The following PLEKHN1 variants were observed in gnomAD, a reference collection of about 807,000 sequenced individuals.
PLEKHN1 encodes pleckstrin homology domain-containing family N member 1.
Under a neutral mutation model 72.8 loss-of-function variants are expected in PLEKHN1, and 68 were observed. The observed-to-expected ratio is 0.93, with a 90% confidence interval of 0.77 to 1.14. The LOEUF (loss-of-function observed/expected upper bound fraction) is 1.14, where lower values mean the gene tolerates loss of function less well. Among genes scored for constraint, PLEKHN1 ranks in the 50% most tolerant of loss-of-function variants. PLEKHN1 has a pLI of 0.00. For missense variants in PLEKHN1, 1,015 were observed against 840.5 expected, an observed-to-expected ratio of 1.21 and a Z score of -2.57; for synonymous variants, 454 against 371.6, an observed-to-expected ratio of 1.22 and a Z score of -2.55.
At chr1:972,626 G>A (rs576224828) in intron 10 of PLEKHN1, among the ~76,000 whole-genome samples, 1 of 152,258 alleles carries the variant, frequency 6.6e-6, no homozygotes, top group South Asian at 2.1e-4. Flanking sequence ...AAATTAGCCG[G>A]GCATGGCGGT....
chr1:970,648 A>G lies in PLEKHN1; in HGVS notation c.412-38A>G. The G allele has an allele frequency of 6.2e-7, 1 of 1,602,626 alleles. No homozygotes were observed. The highest frequency in any genetic ancestry group is 1.1e-5 in the South Asian group (1 of 89,586). On this transcript the variant is annotated intron_variant, in intron 4 of 15. Transcript: ENST00000379410. This position sits in a 1 kb window ranked among gnomAD's most constrained non-coding sequence, Gnocchi z 4.2. ...TGGGGCCATGGCCGCCCTTCCCTCC[A>G]TGGATCCCTGAAGCTCCTCCTACCC...
At chr1:974,162 G>A in intron 14 of PLEKHN1, 111 bp downstream of exon 14, 5 of 1,477,248 alleles carry the variant, frequency 3.4e-6, no homozygotes, top group South Asian at 2.4e-5. Context: ...GAGGACGGGG[G>A]CAGATGGAGG....
At chr1:971,996 G>C (rs548544419) in intron 8 of PLEKHN1, 79 bp from the exon 9 acceptor site, 4 of 1,374,078 alleles carry the variant, frequency 2.9e-6, no homozygotes, top group Non-Finnish European at 4.1e-6. Flanking sequence ...AGCTCTGGAG[G>C]GCAAGAGGGT....
intron 2 of PLEKHN1, among the ~76,000 whole-genome samples, chr1:969,042 G>A (rs776184610): frequency 6.6e-6 from 1 of 152,224 alleles, no homozygotes; most frequent in African/African-American, 2.4e-5. Flanking sequence ...CACTGACACC[G>A]AGGAGATTGG....
At chr1:973,390 G>A (rs1300238569) in intron 12 of PLEKHN1, 64 bp downstream of exon 12, 1 of 1,559,982 alleles carries the variant, frequency 6.4e-7, no homozygotes. Flanking sequence ...ACTGGTCTCT[G>A]TCTCTGGGCC....
rs1254874341 is a variant in PLEKHN1 at position 973,327 on chromosome 1, G to A, written c.1293+1G>A. 1.3e-6 allele frequency: 2 copies of A among 1,548,632 alleles called. No individual in the cohort carries two copies. Among genetic ancestry groups the A allele is most frequent in the African/African-American group, 2.7e-5 (2 of 73,474 alleles). The stretch of plus-strand genomic sequence containing the variant: ...CCCACTGCACCTGGACCTGACCCAG[G>A]TGGGCCCAGCACACCCACACAGCCC... On this transcript the variant is annotated splice_donor_variant, in intron 12 of 15. Transcript: ENST00000379410. LOFTEE classifies it high-confidence loss of function.
chr1:973,861 G>A lies in PLEKHN1; in HGVS notation c.1463G>A (p.Gly488Glu). 1 of 1,610,454 alleles carries A rather than the reference G, an allele frequency of 6.2e-7. No homozygotes were observed. Among genetic ancestry groups the A allele is most frequent in the Non-Finnish European group, 8.5e-7 (1 of 1,179,868 alleles). The change falls in exon 14 of 16, where the codon GGA (glycine) becomes GAA (glutamate). Residue 488 changes from glycine (G) to glutamate (E), a missense_variant. Physicochemically the swap from Gly to Glu is moderately conservative, Grantham distance 98. Transcript: ENST00000379410. The part of the protein sequence containing the change: ...EFLSAMQSAR[G>E]PTPSSPLPSV... ...CTCAGTGCCATGCAGAGTGCACGTGGACCCACGCCCTCGAGCCCACTCCCC... is the reference window on the plus strand; with the variant it reads ...CTCAGTGCCATGCAGAGTGCACGTGAACCCACGCCCTCGAGCCCACTCCCC...
intron 2 of PLEKHN1, among the ~76,000 whole-genome samples, chr1:969,893 G>A (rs548981007): frequency 1.3e-5 from 2 of 152,344 alleles, no homozygotes; most frequent in Admixed American, 1.3e-4. Flanking sequence ...ATGCATGTAT[G>A]CATATATGTA....
At chr1:968,645 G>A (rs1054044776) in intron 2 of PLEKHN1, among the ~76,000 whole-genome samples, 2 of 152,250 alleles carry the variant, frequency 1.3e-5, no homozygotes, top group African/African-American at 4.8e-5. Context: ...AGTGAGCGGG[G>A]TCAGGTCGGT....
intron 8 of PLEKHN1, 40 bp downstream of exon 8, chr1:971,444 G>A (rs1469359333): frequency 1.3e-6 from 2 of 1,525,464 alleles, no homozygotes; most frequent in East Asian, 2.4e-5. Context: ...CAGGGAGGCA[G>A]CTGTGTGGGG....
chr1:967,345 G>A (rs574838503), intron 2 of PLEKHN1, among the ~76,000 whole-genome samples: 18 of 150,914 alleles, frequency 1.2e-4, no homozygotes, highest in South Asian at 2.1e-4. Context: ...CCACCTCTCC[G>A]TCAAAGGAGC....
intron 13 of PLEKHN1, 56 bp downstream of exon 13, chr1:973,696 G>A: frequency 2.5e-6 from 4 of 1,597,208 alleles, no homozygotes; most frequent in Non-Finnish European, 2.6e-6. Context: ...CCTGAGGCTG[G>A]GGAGGTCTAG....
Position 971,194 on chromosome 1 carries a change from C to CA in PLEKHN1, c.695dup (p.His232GlnfsTer57). The stretch of plus-strand genomic sequence containing the variant: ...CTGTGCCTCGAGGGTCAAGCTGCAG[C>CA]ACCTGCCCGCACAGGTGGGTGGGAG... On this transcript the variant is annotated frameshift_variant, in exon 7 of 16. Transcript: ENST00000379410. LOFTEE classifies it high-confidence loss of function. The CA allele has an allele frequency of 1.3e-6, 2 of 1,581,058 alleles. No individual in the cohort carries two copies. The highest frequency in any genetic ancestry group is 8.6e-7 in the Non-Finnish European group (1 of 1,164,002).
At chr1:967,048 C>T (rs966616255) in intron 2 of PLEKHN1, among the ~76,000 whole-genome samples, 9 of 152,174 alleles carry the variant, frequency 5.9e-5, no homozygotes, top group East Asian at 1.9e-4. Context: ...GGGCCGCGGG[C>T]GGGGCCTCCC....
Position 966,701 on chromosome 1 carries a change from CAG to C in PLEKHN1, c.86_87del, listed in dbSNP as rs751566630. 16 of 1,577,688 alleles carry C rather than the reference CAG, an allele frequency of 1.0e-5. No individual in the cohort carries two copies. Among genetic ancestry groups the C allele is most frequent in the Admixed American group, 5.4e-5 (3 of 55,086 alleles). ...GCCACGAGACCCCTTGCCTTGTCCCCAGAGAGGACAGCGCGCGGATGTCGGCC... is the reference window on the plus strand; with the variant it reads ...GCCACGAGACCCCTTGCCTTGTCCCCAGAGGACAGCGCGCGGATGTCGGCC... On this transcript the variant is annotated splice_acceptor_variant, in intron 1 of 15. Coordinates refer to ENST00000379410, the MANE Select transcript of PLEKHN1 (RefSeq NM_032129.3). LOFTEE classifies it high-confidence loss of function.
Position 973,303 on chromosome 1 carries a change from C to T in PLEKHN1, c.1270C>T (p.Pro424Ser), listed in dbSNP as rs889432324. ...GGCAGAGGGCCGCGGCCCTGTCACC[C>T]CACTGCACCTGGACCTGACCCAGGT... Reference protein sequence around the residue: ...ARAEGRGPVTPLHLDLTQLHR... With the variant: ...ARAEGRGPVTSLHLDLTQLHR... Residue 424 changes from proline to serine, a missense_variant, in exon 12 of 16, where the codon CCA becomes TCA. Physicochemically the swap from Pro to Ser is moderately conservative, Grantham distance 74. Coordinates refer to ENST00000379410, the MANE Select transcript of PLEKHN1 (RefSeq NM_032129.3). 3 of 1,546,170 alleles carry T rather than the reference C, an allele frequency of 1.9e-6. No homozygotes were observed. In the East Asian group the frequency reaches 7.2e-5, roughly 37 times the overall value.
rs756815789 is a variant in PLEKHN1, at chr1:971,229, G to A, written c.708+21G>A. The A allele has an allele frequency of 3.8e-6, 6 of 1,564,852 alleles. No individual in the cohort carries two copies. In the East Asian group the frequency reaches 9.5e-5, roughly 25 times the overall value. On this transcript the variant is annotated intron_variant, in intron 7 of 15. Transcript: ENST00000379410. ...CACAGGTGGGTGGGAGGTGCGTGGG[G>A]CTGTAGGGGGATGGGAGGGGTGCAT...
Position 970,210 on chromosome 1 carries a change from G to A in PLEKHN1, c.184-67G>A, listed in dbSNP as rs1373121557. The A allele has an allele frequency of 6.4e-6, 10 of 1,554,492 alleles. No homozygotes were observed. Among genetic ancestry groups the A allele is most frequent in the Non-Finnish European group, 8.8e-6 (10 of 1,139,842 alleles). ...GACCATGCTATAGTCCTGTAGCTGT[G>A]TGGATGCGAGCGGAGGGGGTGGGGG... On this transcript the variant is annotated intron_variant, in intron 2 of 15. Coordinates refer to ENST00000379410, the MANE Select transcript of PLEKHN1 (RefSeq NM_032129.3). The surrounding 1 kb of genome is among the most constrained non-coding windows in gnomAD (Gnocchi z 4.2).
chr1:968,353 C>T lies in PLEKHN1; in HGVS notation c.183+1550C>T, dbSNP rs577124088. On this transcript the variant is annotated intron_variant, in intron 2 of 15. Transcript: ENST00000379410. ...CCCACTTGGCCCTGAGCCTGTGGAT[C>T]ACAGAGGTCTCCAGCCCCAGGTTCA... Among the ~76,000 whole-genome samples the T allele has an allele frequency of 8.4e-4, 128 of 152,348 alleles. 1 individual carries two copies. The highest frequency in any genetic ancestry group is 2.9e-3 in the African/African-American group (122 of 41,580).
Sources: gnomAD v4.1 joint callset for allele counts (sites outside exome capture counted in the v4.1 genomes callset) on GRCh38, gnomAD v4.1.1 for gene constraint, Gnocchi (gnomAD v3.1) non-coding constraint, MANE v1.5 for transcripts, NCBI Gene and HGNC (gene_info 2026-07-23, HGNC 2026-07-21) for gene names.